The following PRTG variants were observed in gnomAD, a reference collection of about 807,000 sequenced individuals.
PRTG encodes the protein protogenin, also known as immunoglobulin superfamily, DCC subclass, member 5.
In PRTG, 67 loss-of-function variants were observed where a neutral mutation model predicts 122.5. That is an observed-to-expected ratio of 0.55 (90% CI 0.45 to 0.67). The LOEUF (loss-of-function observed/expected upper bound fraction) is 0.67, where lower values mean the gene tolerates loss of function less well. Ranked by LOEUF, PRTG falls within the 30% of genes least tolerant of loss-of-function variation. The pLI is 0.00. For synonymous variants in PRTG, 554 were observed against 501.1 expected, an observed-to-expected ratio of 1.11 and a Z score of -1.41; for missense variants, 1,435 against 1,415.4, an observed-to-expected ratio of 1.01 and a Z score of -0.22.
Position 55,620,173 on chromosome 15 carries a change from T to C in PRTG, c.3292A>G (p.Thr1098Ala), listed in dbSNP as rs1162979805. 2.5e-6 allele frequency: 4 copies of C among 1,614,104 alleles called. No homozygotes were observed. Among genetic ancestry groups the C allele is most frequent in the Non-Finnish European group, 3.4e-6 (4 of 1,180,030 alleles). The change falls in exon 20 of 20, where the codon ACA (threonine) becomes GCA (alanine). Residue 1098 changes from threonine (T) to alanine (A), a missense_variant. Transcript: ENST00000389286. ...DEDSPSSPGQTTSFSRPFGVA... is the reference protein window; with the variant it reads ...DEDSPSSPGQATSFSRPFGVA... ...CCAAAGGGTCTTGAGAAGCTGGTTG[T>C]CTGACCTGGGGAGCTAGGGGAGTCT...
intron 15 of PRTG, among the ~76,000 whole-genome samples, chr15:55,631,815 T>G (rs781237822): frequency 3.9e-4 from 60 of 152,332 alleles, no homozygotes; most frequent in Admixed American, 6.5e-4. Flanking sequence ...ATAATTATTA[T>G]AAGGATTAAA....
chr15:55,733,801 T>C (rs898798385), intron 2 of PRTG, among the ~76,000 whole-genome samples: 35 of 152,108 alleles, frequency 2.3e-4, no homozygotes, highest in East Asian at 7.7e-4. Flanking sequence ...TACTCCAGCC[T>C]GGATGACAGA....
At chr15:55,709,719 A>G (rs1340126958) in intron 2 of PRTG, among the ~76,000 whole-genome samples, 9 of 152,248 alleles carry the variant, frequency 5.9e-5, no homozygotes, top group Admixed American at 5.9e-4. Flanking sequence ...ATGAACCAAC[A>G]TGAATGAATC....
In PRTG at chr15:55,641,110, T is replaced by C; in HGVS notation, c.2137+3A>G. 1.2e-6 allele frequency: 2 copies of C among 1,607,268 alleles called. No individual in the cohort carries two copies. Among genetic ancestry groups the C allele is most frequent in the Non-Finnish European group, 1.7e-6 (2 of 1,173,836 alleles). On this transcript the variant is annotated splice_donor_region_variant and intron_variant, in intron 12 of 19. Transcript: ENST00000389286. ...AAAACAAACTGCCATGGCTTTCACT[T>C]ACACACGCATCCTGGAGTGCTGACA... is the stretch of plus-strand genomic sequence containing the variant.
In PRTG at chr15:55,672,737, G is replaced by T. The variant is rs547844542; in HGVS notation, c.1853-104C>A. On this transcript the variant is annotated intron_variant, in intron 10 of 19. Coordinates refer to ENST00000389286, the MANE Select transcript of PRTG (RefSeq NM_173814.6). Reference sequence around the variant, plus strand: ...GTTTTAAGCAAACAATTACCAAAAGGTTCAATCCAAAAATTATACTATAAC... The same window carrying T: ...GTTTTAAGCAAACAATTACCAAAAGTTTCAATCCAAAAATTATACTATAAC... 6.5e-6 allele frequency: 5 copies of T among 766,800 alleles called. No individual in the cohort carries two copies. The South Asian group carries it at 1.2e-4, about 18-fold the overall frequency. 47.5% of individuals were successfully genotyped at this position (766,800 alleles called of 1,614,324 possible).
At position 55,637,191 on chromosome 15, in the gene PRTG, A is replaced by T; in HGVS notation, c.2602T>A (p.Trp868Arg). The change falls in exon 15 of 20, where the codon TGG (tryptophan) becomes AGG (arginine). Residue 868 changes from tryptophan to arginine, a missense_variant. Coordinates refer to ENST00000389286, the MANE Select transcript of PRTG (RefSeq NM_173814.6). ...ASRKAWIAGE[W>R]QVLHREGAIT... ...TTACCTTCACGGTGTAAGACCTGCCACTCTCCTGCAATCCAGGCCTTCCTA... is the reference window on the plus strand; with the variant it reads ...TTACCTTCACGGTGTAAGACCTGCCTCTCTCCTGCAATCCAGGCCTTCCTA... 6.3e-7 allele frequency: 1 copy of T among 1,598,392 alleles called. No individual in the cohort carries two copies. The highest frequency in any genetic ancestry group is 1.1e-5 in the South Asian group (1 of 88,144).
intron 4 of PRTG, among the ~76,000 whole-genome samples, chr15:55,681,946 C>T (rs1444530620): frequency 6.6e-6 from 1 of 151,924 alleles, no homozygotes; most frequent in Admixed American, 6.6e-5. Context: ...TAAAAATACA[C>T]AAATTTTAAA....
chr15:55,733,000 A>G (rs1326280889), intron 2 of PRTG, among the ~76,000 whole-genome samples: 4 of 151,892 alleles, frequency 2.6e-5, no homozygotes, highest in African/African-American at 9.7e-5. Flanking sequence ...CCACGAGGTC[A>G]AGAGATCGAG....
chr15:55,615,287 T>C lies in PRTG; in HGVS notation c.*4725A>G, dbSNP rs528436262. The C allele has an allele frequency of 9.2e-5, 14 of 152,158 alleles. No homozygotes were observed. In the East Asian group the frequency reaches 2.5e-3, roughly 27 times the overall value. 9.4% of individuals were successfully genotyped at this position (152,158 alleles called of 1,614,324 possible). On this transcript the variant is annotated 3_prime_UTR_variant, in exon 20 of 20. Transcript: ENST00000389286. ...CTGATCTGCAGAACTTAAGAAAAATTTGTGTTATTTTAAGCCACCACCTTC... is the reference window on the plus strand; with the variant it reads ...CTGATCTGCAGAACTTAAGAAAAATCTGTGTTATTTTAAGCCACCACCTTC...
chr15:55,738,780 A>G, intron 2 of PRTG: 2 of 155,036 alleles, frequency 1.3e-5, no homozygotes, highest in Non-Finnish European at 2.7e-5. Context: ...GAAGAGAGGG[A>G]GGGAGGGGGA....
At position 55,682,549 on chromosome 15, in the gene PRTG, TTTA is replaced by T. The variant is rs1567097773; in HGVS notation, c.543-55_543-53del. The T allele has an allele frequency of 5.5e-4, 223 of 408,988 alleles. 6 individuals are homozygous for T. The highest frequency in any genetic ancestry group is 2.6e-3 in the South Asian group (32 of 12,508). The allele number at this position is 408,988 out of a possible 1,614,324, so 25.3% of individuals were successfully genotyped here. A position where few individuals can be genotyped will look rare whatever the true frequency, so the allele number is the denominator to read the frequency against. ...TTTTTGTAGTAGATTTCATATTTTA[TTTA>T]TTTATTTATTTATTTATTTATTTAT... On this transcript the variant is annotated intron_variant, in intron 3 of 19. Transcript: ENST00000389286.
rs200777608 is a variant in PRTG, at chr15:55,680,095, G to A, written c.932C>T (p.Thr311Ile). The change falls in exon 6 of 20, where the codon ACA becomes ATA. Residue 311 changes from threonine to isoleucine, a missense_variant. Transcript: ENST00000389286. The stretch of plus-strand genomic sequence containing the variant: ...TGCCATAGCAACTGTAAAGTTGCGT[G>A]TGCCAGGGGTAGTGGCCCGACAAAC... ...VYVCRATTPG[T>I]RNFTVAMATL... 9 of 1,613,688 alleles carry A rather than the reference G, an allele frequency of 5.6e-6. No individual in the cohort carries two copies. The highest frequency in any genetic ancestry group is 1.1e-5 in the South Asian group (1 of 91,044).
chr15:55,671,079 T>C (rs1285576428), intron 11 of PRTG, among the ~76,000 whole-genome samples: 1 of 152,112 alleles, frequency 6.6e-6, no homozygotes, highest in African/African-American at 2.4e-5. Flanking sequence ...CAAAATACCA[T>C]CTGGAAAACT....
chr15:55,644,131 G>A (rs764915855), intron 11 of PRTG, among the ~76,000 whole-genome samples: 2 of 152,086 alleles, frequency 1.3e-5, no homozygotes, highest in Admixed American at 6.6e-5. Context: ...GAGCCAGCAC[G>A]CCCAGCTGAA....
intron 15 of PRTG, among the ~76,000 whole-genome samples, chr15:55,632,136 C>G (rs893492420): frequency 1.3e-5 from 2 of 152,146 alleles, no homozygotes; most frequent in African/African-American, 4.8e-5. Flanking sequence ...TAAACTTAAT[C>G]AGCCTCTGCT....
intron 11 of PRTG, among the ~76,000 whole-genome samples, chr15:55,647,772 T>A (rs1017286266): frequency 2.0e-5 from 3 of 152,200 alleles, no homozygotes; most frequent in African/African-American, 7.2e-5. Context: ...ATATCAAAGA[T>A]CTCTGTTCGT....
intron 18 of PRTG, among the ~76,000 whole-genome samples, chr15:55,622,997 C>G (rs2141710195): frequency 6.6e-6 from 1 of 151,930 alleles, no homozygotes. Context: ...TCATATTTAC[C>G]TATAATATGT....
rs1276244597 is a variant in PRTG, at chr15:55,615,490, T to C, written c.*4522A>G. The C allele has an allele frequency of 1.3e-5, 2 of 152,134 alleles. No homozygotes were observed. Among genetic ancestry groups the C allele is most frequent in the Non-Finnish European group, 2.9e-5 (2 of 67,996 alleles). The allele number at this position is 152,134 out of a possible 1,614,324, so 9.4% of individuals were successfully genotyped here. A position where few individuals can be genotyped will look rare whatever the true frequency, so the allele number is the denominator to read the frequency against. Reference sequence around the variant, plus strand: ...CTTATGTCCTGAGCATAAATCAACTTAACACAGAACTCTACGGTTACATTC... The same window carrying C: ...CTTATGTCCTGAGCATAAATCAACTCAACACAGAACTCTACGGTTACATTC... On this transcript the variant is annotated 3_prime_UTR_variant, in exon 20 of 20. Coordinates refer to ENST00000389286, the MANE Select transcript of PRTG (RefSeq NM_173814.6).
intron 11 of PRTG, among the ~76,000 whole-genome samples, chr15:55,658,625 A>T (rs761628689): frequency 6.6e-6 from 1 of 151,986 alleles, no homozygotes; most frequent in Non-Finnish European, 1.5e-5. Flanking sequence ...CCACATTATT[A>T]TTTTCTTATG....
Sources: gnomAD v4.1 joint callset for allele counts (sites outside exome capture counted in the v4.1 genomes callset) on GRCh38, gnomAD v4.1.1 for gene constraint, MANE v1.5 for transcripts, NCBI Gene and HGNC (gene_info 2026-07-23, HGNC 2026-07-21) for gene names.